BAZ2B: variants seen among roughly 807,000 people sequenced by gnomAD.
BAZ2B encodes bromodomain adjacent to zinc finger domain 2B.
BAZ2B carries 91 observed loss-of-function variants against 246.0 expected under a neutral mutation model. The ratio of observed to expected loss-of-function variants is 0.37; its 90% CI spans 0.31 to 0.44. The LOEUF is 0.44. BAZ2B is among the 20% of genes least tolerant of loss of function. The pLI, the probability that BAZ2B is intolerant of heterozygous loss-of-function variation, is 1.00. For synonymous variants in BAZ2B, 855 were observed against 860.0 expected, an observed-to-expected ratio of 0.99 and a Z score of 0.10; for missense variants, 2,332 against 2,533.7, an observed-to-expected ratio of 0.92 and a Z score of 1.71.
chr2:159,444,570 T>C (rs913392009), intron 6 of BAZ2B: 1 of 152,212 alleles, frequency 6.6e-6, no homozygotes, highest in South Asian at 2.1e-4. Flanking sequence ...AGAAAATATA[T>C]GGAGCTTGAT....
intron 2 of BAZ2B, among the ~76,000 whole-genome samples, chr2:159,550,401 C>T (rs2088006981): frequency 6.6e-6 from 1 of 152,118 alleles, no homozygotes. Context: ...ACAATTCAGC[C>T]AGCAAGGAGG....
At chr2:159,324,720 G>A (rs963438003) in intron 36 of BAZ2B, 91 bp downstream of exon 36, 39 of 818,334 alleles carry the variant, frequency 4.8e-5, no homozygotes, top group Admixed American at 9.1e-5. Flanking sequence ...ATATCTTGCT[G>A]TTAATTAAAA....
rs1559208699 is a variant in BAZ2B, at chr2:159,386,376, G to A, written c.3448C>T (p.Pro1150Ser). The A allele has an allele frequency of 6.2e-7, 1 of 1,612,694 alleles. No homozygotes were observed. Among genetic ancestry groups the A allele is most frequent in the Non-Finnish European group, 8.5e-7 (1 of 1,179,434 alleles). Reference protein sequence around the residue: ...VRLLSAAVCDPGLITGYKAKT... With the variant: ...VRLLSAAVCDSGLITGYKAKT... ...ACCTTGTATCCTGTTATTAGACCTG[G>A]ATCACATACAGCAGCTGAGAGGAGC... The change falls in exon 22 of 37, where the codon CCA (proline) becomes TCA (serine). Residue 1150 changes from proline to serine, a missense_variant. Around this residue, in one of 9 missense-constraint regions of BAZ2B, gnomAD observed 328 missense variants for 410.4 expected, o/e 0.80. Transcript: ENST00000392783.
At chr2:159,515,430 T>C (rs2083332997) in intron 2 of BAZ2B, among the ~76,000 whole-genome samples, 1 of 152,128 alleles carries the variant, frequency 6.6e-6, no homozygotes, top group African/African-American at 2.4e-5. Flanking sequence ...TGAGCAAAAC[T>C]AAGAGTTCTG....
chr2:159,565,059 C>CAGGG (rs1423420581), intron 1 of BAZ2B, among the ~76,000 whole-genome samples: 1 of 152,034 alleles, frequency 6.6e-6, no homozygotes, highest in Non-Finnish European at 1.5e-5. Flanking sequence ...TTAGTAGAGA[C>CAGGG]AGGGTTTCAC....
intron 27 of BAZ2B, among the ~76,000 whole-genome samples, chr2:159,355,461 A>G (rs1002548886): frequency 2.0e-5 from 3 of 152,206 alleles, no homozygotes; most frequent in Non-Finnish European, 4.4e-5. Flanking sequence ...TTTTAAGATG[A>G]TAACATAAAA....
intron 1 of BAZ2B, among the ~76,000 whole-genome samples, chr2:159,578,762 T>C (rs1309234781): frequency 6.6e-6 from 1 of 152,176 alleles, no homozygotes; most frequent in Non-Finnish European, 1.5e-5. Context: ...GAATCAGGAT[T>C]AAGAAACTCA....
intron 1 of BAZ2B, among the ~76,000 whole-genome samples, chr2:159,563,894 T>C (rs1285954231): frequency 6.6e-6 from 1 of 152,230 alleles, no homozygotes; most frequent in African/African-American, 2.4e-5. Context: ...ATTCTCTGAT[T>C]CACTCATTAA....
At position 159,424,143 on chromosome 2, in the gene BAZ2B, A is replaced by T. The variant is rs572049138; in HGVS notation, c.2466+3798T>A. On this transcript the variant is annotated intron_variant, in intron 13 of 36. Transcript: ENST00000392783. ...ACTTTTTAAAGAAAAAAGTTTTTTC[A>T]ATTATGGGCTTTTTTTCTTTAAAAA... is the stretch of plus-strand genomic sequence containing the variant. 6.9e-3 allele frequency among the ~76,000 whole-genome samples: 1,049 copies of T among 152,296 alleles called. 14 individuals carry two copies. Among genetic ancestry groups the T allele is most frequent in the African/African-American group, 0.024 (993 of 41,562 alleles).
the BAZ2B span, among the ~76,000 whole-genome samples, chr2:159,641,846 T>G: frequency 2.0e-5 from 3 of 152,304 alleles, no homozygotes; most frequent in African/African-American, 7.2e-5. Context: ...CTCTCAAATA[T>G]AATATTATTT....
At chr2:159,517,311 T>C (rs191416278) in intron 2 of BAZ2B, among the ~76,000 whole-genome samples, 39 of 152,188 alleles carry the variant, frequency 2.6e-4, no homozygotes, top group Admixed American at 2.5e-3. Flanking sequence ...TAGTTTTTTT[T>C]TTCCCCCCAA....
At chr2:159,356,327 G>C (rs1283409369) in intron 27 of BAZ2B, among the ~76,000 whole-genome samples, 1 of 152,192 alleles carries the variant, frequency 6.6e-6, no homozygotes, top group Non-Finnish European at 1.5e-5. Flanking sequence ...CCATTACAGA[G>C]GCTTGGGTAG....
chr2:159,692,522 A>G, the BAZ2B span, among the ~76,000 whole-genome samples: 1 of 151,972 alleles, frequency 6.6e-6, no homozygotes. Flanking sequence ...AATTGTCACA[A>G]ATCTTCAGAA....
the BAZ2B span, among the ~76,000 whole-genome samples, chr2:159,644,362 T>C: frequency 6.6e-6 from 1 of 152,192 alleles, no homozygotes; most frequent in Non-Finnish European, 1.5e-5. Flanking sequence ...TGGAGATAAG[T>C]GTGTTTGGCT....
chr2:159,520,753 G>A (rs755420292), intron 2 of BAZ2B, among the ~76,000 whole-genome samples: 1 of 152,024 alleles, frequency 6.6e-6, no homozygotes, highest in African/African-American at 2.4e-5. Context: ...TTTCAAGCTT[G>A]TCAAAATAAT....
At chr2:159,587,057 T>G (rs1688173922) in intron 1 of BAZ2B, among the ~76,000 whole-genome samples, 1 of 152,072 alleles carries the variant, frequency 6.6e-6, no homozygotes, top group South Asian at 2.1e-4. Flanking sequence ...GAAAAAAGCT[T>G]TAATAATATC....
At chr2:159,704,092 T>A in the BAZ2B span, among the ~76,000 whole-genome samples, 1 of 152,208 alleles carries the variant, frequency 6.6e-6, no homozygotes, top group African/African-American at 2.4e-5. Context: ...TTGGTATAAA[T>A]GGCATGCTTG....
At chr2:159,353,815 C>G (rs1194178600) in intron 27 of BAZ2B, among the ~76,000 whole-genome samples, 1 of 152,136 alleles carries the variant, frequency 6.6e-6, no homozygotes, top group African/African-American at 2.4e-5. Context: ...CTAGAATGAG[C>G]ACTGTTCTAG....
chr2:159,694,518 C>A, the BAZ2B span: 1 of 152,074 alleles, frequency 6.6e-6, no homozygotes, highest in Non-Finnish European at 1.5e-5. Flanking sequence ...ACCTGGGAAC[C>A]ACTTATCTGT....
Sources: gnomAD v4.1 joint callset for allele counts (sites outside exome capture counted in the v4.1 genomes callset) on GRCh38, gnomAD v4.1.1 for gene constraint, gnomAD v4.1.1 regional missense constraint, MANE v1.5 for transcripts, NCBI Gene and HGNC (gene_info 2026-07-23, HGNC 2026-07-21) for gene names.